Variants in PLEKHJ1 observed in about 807,000 individuals in gnomAD.
PLEKHJ1 encodes pleckstrin homology domain-containing family J member 1.
In PLEKHJ1, 20 loss-of-function variants were observed where a neutral mutation model predicts 21.7. The observed-to-expected ratio is 0.92, with a 90% confidence interval of 0.65 to 1.34. The LOEUF is 1.34. PLEKHJ1 is among the 40% of genes most tolerant of loss of function. The pLI is 0.00. For missense variants in PLEKHJ1, 241 were observed against 202.0 expected, an observed-to-expected ratio of 1.19 and a Z score of -1.17; for synonymous variants, 113 against 80.6, an observed-to-expected ratio of 1.40 and a Z score of -2.15.
rs763587062 is a variant in PLEKHJ1 at position 2,236,115 on chromosome 19, C to T, written c.94+40G>A. 2.8e-6 allele frequency: 4 copies of T among 1,425,254 alleles called. No homozygotes were observed. The South Asian group carries it at 4.4e-5, about 16-fold the overall frequency. 88.3% of individuals were successfully genotyped at this position (1,425,254 alleles called of 1,614,324 possible). On this transcript the variant is annotated intron_variant, in intron 1 of 5. Transcript: ENST00000326631. ...CCGCCCAGACCCCGGCCCCGGCCTCCCGCCCCTGGCACTGTCTCGGTCTCC... is the reference window on the plus strand; with the variant it reads ...CCGCCCAGACCCCGGCCCCGGCCTCTCGCCCCTGGCACTGTCTCGGTCTCC...
rs1236660049 is a variant in PLEKHJ1 at position 2,233,647 on chromosome 19, G to A, written c.*193C>T. On this transcript the variant is annotated 3_prime_UTR_variant, in exon 6 of 6. Transcript: ENST00000326631. ...CCCGCTACTTGGGAAGCTGAGGCAG[G>A]AGGATCACTTGAGTCCAGAAGGTCA... is the stretch of plus-strand genomic sequence containing the variant. 6.9e-6 allele frequency: 4 copies of A among 582,960 alleles called. No individual in the cohort carries two copies. Among genetic ancestry groups the A allele is most frequent in the Non-Finnish European group, 3.0e-6 (1 of 330,690 alleles). The allele number at this position is 582,960 out of a possible 1,614,324, so 36.1% of individuals were successfully genotyped here.
intron 3 of PLEKHJ1, chr19:2,234,496 A>G: frequency 2.2e-6 from 1 of 450,416 alleles, no homozygotes; most frequent in Non-Finnish European, 4.0e-6. Flanking sequence ...GGATTGCTTG[A>G]GCTCAGGAGT....
downstream of PLEKHJ1, chr19:2,231,773 G>C (rs1041229311): frequency 9.3e-6 from 2 of 214,378 alleles, no homozygotes; most frequent in Non-Finnish European, 1.9e-5. Flanking sequence ...TTTAAACACT[G>C]TATTACTTCT....
At chr19:2,233,965 C>A (rs201226097) in intron 5 of PLEKHJ1, 33 bp downstream of exon 5, 1 of 1,611,622 alleles carries the variant, frequency 6.2e-7, no homozygotes. Context: ...CCACCTGCAG[C>A]CCCACCCCGG....
At chr19:2,234,429 C>T (rs550431560) in intron 3 of PLEKHJ1, 189 bp from the exon 4 acceptor site, 73 of 567,808 alleles carry the variant, frequency 1.3e-4, no homozygotes, top group African/African-American at 9.7e-4. Context: ...ATGAGGTTGT[C>T]GCCAGGTGCG....
chr19:2,233,486 G>C lies in PLEKHJ1; in HGVS notation c.*354C>G. ...GGATCCTGGGGCCCCAGGGAGCGCAGCTTGCTGGGCAGTTTCATAAAATGC... is the reference window on the plus strand; with the variant it reads ...GGATCCTGGGGCCCCAGGGAGCGCACCTTGCTGGGCAGTTTCATAAAATGC... On this transcript the variant is annotated 3_prime_UTR_variant, in exon 6 of 6. Transcript: ENST00000326631. 1 of 313,866 alleles carries C rather than the reference G, an allele frequency of 3.2e-6. No homozygotes were observed. The highest frequency in any genetic ancestry group is 5.9e-6 in the Non-Finnish European group (1 of 168,934). The allele number at this position is 313,866 out of a possible 1,614,324, so 19.4% of individuals were successfully genotyped here.
At position 2,236,245 on chromosome 19, in the gene PLEKHJ1, G is replaced by C; in HGVS notation, c.4C>G (p.Arg2Gly). Reference sequence around the variant, plus strand: ...GCCTGCAGCTCCTTCTCGTTGTACCGCATGGCTCCGCGGGGAACGGGAACC... The same window carrying C: ...GCCTGCAGCTCCTTCTCGTTGTACCCCATGGCTCCGCGGGGAACGGGAACC... Reference protein sequence around the residue: MRYNEKELQALS... With the variant: MGYNEKELQALS... The change falls in exon 1 of 6, where the codon CGG (arginine) becomes GGG (glycine). Residue 2 changes from arginine (R) to glycine (G), a missense_variant. Physicochemically the swap from Arg to Gly is moderately radical, Grantham distance 125 (BLOSUM62 -2). Coordinates refer to ENST00000326631, the MANE Select transcript of PLEKHJ1 (RefSeq NM_018049.3). 7.1e-7 allele frequency: 1 copy of C among 1,410,292 alleles called. No individual in the cohort carries two copies. The highest frequency in any genetic ancestry group is 9.2e-7 in the Non-Finnish European group (1 of 1,084,372). 87.4% of individuals were successfully genotyped at this position (1,410,292 alleles called of 1,614,324 possible). A position where few individuals can be genotyped will look rare whatever the true frequency, so the allele number is the denominator to read the frequency against.
chr19:2,234,278 C>T, intron 3 of PLEKHJ1, 38 bp from the exon 4 acceptor site: 1 of 1,500,018 alleles, frequency 6.7e-7, no homozygotes, highest in Non-Finnish European at 9.2e-7. Context: ...CTACCCACAG[C>T]CACAAGCAGC....
chr19:2,230,810 C>T (rs932223779), downstream of PLEKHJ1: 7 of 379,594 alleles, frequency 1.8e-5, no homozygotes, highest in African/African-American at 4.1e-5. Context: ...CGACCCTAGA[C>T]CCCTCAGTTG....
downstream of PLEKHJ1, among the ~76,000 whole-genome samples, chr19:2,232,890 C>T (rs148062079): frequency 1.2e-4 from 18 of 152,316 alleles, no homozygotes; most frequent in African/African-American, 3.9e-4. Context: ...GACCAAAGCC[C>T]GCCCAGGCCC....
Position 2,236,206 on chromosome 19 carries a change from G to A in PLEKHJ1, c.43C>T (p.Pro15Ser). 4.1e-6 allele frequency: 6 copies of A among 1,475,436 alleles called. No individual in the cohort carries two copies. The East Asian group carries it at 8.7e-5, about 21-fold the overall frequency. 91.4% of individuals were successfully genotyped at this position (1,475,436 alleles called of 1,614,324 possible). A position where few individuals can be genotyped will look rare whatever the true frequency, so the allele number is the denominator to read the frequency against. ...EKELQALSRQ[P>S]AEMAAELGMR... ...CCCAGCTCGGCCGCCATCTCGGCCGGCTGCCGGGACAGAGCCTGCAGCTCC... is the reference window on the plus strand; with the variant it reads ...CCCAGCTCGGCCGCCATCTCGGCCGACTGCCGGGACAGAGCCTGCAGCTCC... Residue 15 changes from proline to serine, a missense_variant, in exon 1 of 6, where the codon CCG (proline) becomes TCG (serine). Transcript: ENST00000326631.
chr19:2,232,436 C>A (rs771447215), downstream of PLEKHJ1: 10 of 221,656 alleles, frequency 4.5e-5, no homozygotes, highest in African/African-American at 1.6e-4. Context: ...GAGGCTCTGC[C>A]GTGTCTTCCG....
chr19:2,236,101 C>T (rs1468809765), intron 1 of PLEKHJ1, 54 bp downstream of exon 1: 1 of 1,408,002 alleles, frequency 7.1e-7, no homozygotes, highest in African/African-American at 1.5e-5. Flanking sequence ...CGCCCAGACC[C>T]CGGCCCCGGC....
chr19:2,230,194 A>C (rs1430766463), downstream of PLEKHJ1: 2 of 458,622 alleles, frequency 4.4e-6, no homozygotes, highest in Non-Finnish European at 7.6e-6. Context: ...GCCTGCCTCC[A>C]CCCGCTTGGT....
At position 2,236,271 on chromosome 19, in the gene PLEKHJ1, C is replaced by T; in HGVS notation, c.-23G>A. On this transcript the variant is annotated 5_prime_UTR_variant, in exon 1 of 6. Transcript: ENST00000326631. ...CATGGCTCCGCGGGGAACGGGAACC[C>T]GGGCCGCGCCCTCCCGGCCGCCGTC... 1 of 1,337,610 alleles carries T rather than the reference C, an allele frequency of 7.5e-7. No homozygotes were observed. Among genetic ancestry groups the T allele is most frequent in the African/African-American group, 1.5e-5 (1 of 64,764 alleles). 82.9% of individuals were successfully genotyped at this position (1,337,610 alleles called of 1,614,324 possible). A position where few individuals can be genotyped will look rare whatever the true frequency, so the allele number is the denominator to read the frequency against.
chr19:2,234,242 T>C lies in PLEKHJ1; in HGVS notation c.230-2A>G. The stretch of plus-strand genomic sequence containing the variant: ...TCCTCTCAGGGTCCTCAATGAAGCC[T>C]GGGGATGGAACACCTGTGGTCGGTC... On this transcript the variant is annotated splice_acceptor_variant, in intron 3 of 5. Coordinates refer to ENST00000326631, the MANE Select transcript of PLEKHJ1 (RefSeq NM_018049.3). LOFTEE classifies it high-confidence loss of function. 1 of 1,611,308 alleles carries C rather than the reference T, an allele frequency of 6.2e-7. No homozygotes were observed. Among genetic ancestry groups the C allele is most frequent in the Non-Finnish European group, 8.5e-7 (1 of 1,178,714 alleles).
chr19:2,232,172 G>A (rs765104375), downstream of PLEKHJ1: 10 of 224,474 alleles, frequency 4.5e-5, no homozygotes, highest in South Asian at 1.8e-4. Context: ...GTGGGTGGGC[G>A]GGCGGCGCCT....
downstream of PLEKHJ1, chr19:2,230,685 A>G (rs1323824498): frequency 7.5e-6 from 3 of 398,014 alleles, no homozygotes; most frequent in Non-Finnish European, 1.3e-5. Context: ...TAAATTTCAT[A>G]GATTTGACAG....
Position 2,233,764 on chromosome 19 carries a change from C to T in PLEKHJ1, c.*76G>A. 7.2e-7 allele frequency: 1 copy of T among 1,396,418 alleles called. No individual in the cohort carries two copies. Among genetic ancestry groups the T allele is most frequent in the Non-Finnish European group, 9.8e-7 (1 of 1,023,832 alleles). 86.5% of individuals were successfully genotyped at this position (1,396,418 alleles called of 1,614,324 possible). On this transcript the variant is annotated 3_prime_UTR_variant, in exon 6 of 6. Coordinates refer to ENST00000326631, the MANE Select transcript of PLEKHJ1 (RefSeq NM_018049.3). ...AACCAAAAACCAAAACAAAACAGAT[C>T]CAGGCATGGCCAAGCGATTCATGGC...
Sources: allele counts gnomAD v4.1 joint callset (sites outside exome capture counted in the v4.1 genomes callset), GRCh38; gene constraint gnomAD v4.1.1; transcripts MANE v1.5; gene names NCBI Gene and HGNC (gene_info 2026-07-23, HGNC 2026-07-21).